Variants in PTH2R observed in about 807,000 individuals in gnomAD.
PTH2R encodes PTH2 receptor.
A neutral mutation model predicts 60.3 loss-of-function variants in PTH2R; 59 were observed. That is an observed-to-expected ratio of 0.98 (90% CI 0.79 to 1.22). The LOEUF is 1.22. PTH2R is among the 50% of genes most tolerant of loss of function. PTH2R has a pLI of 0.00. For synonymous variants in PTH2R, 256 were observed against 243.8 expected (o/e 1.05, Z -0.47); for missense variants, 749 against 682.6 (o/e 1.10, Z -1.08).
At chr2:208,465,388 C>CTTTTTTTTTTTT (rs60871321) in intron 9 of PTH2R, among the ~76,000 whole-genome samples, 4 of 39,934 alleles carry the variant, frequency 1.0e-4, no homozygotes, top group East Asian at 9.7e-4. Context: ...ATTTGTAAGT[C>CTTTTTTTTTTTT]TTTTTTTTTT....
At chr2:208,373,191 A>C (rs540590962) in intron 1 of PTH2R, among the ~76,000 whole-genome samples, 49 of 152,270 alleles carry the variant, frequency 3.2e-4, no homozygotes, top group Admixed American at 7.8e-4. Context: ...AAGTGAAGTG[A>C]AGTGTCTTGA....
At chr2:208,462,422 C>T (rs1467995187) in intron 9 of PTH2R, among the ~76,000 whole-genome samples, 1 of 152,092 alleles carries the variant, frequency 6.6e-6, no homozygotes, top group African/African-American at 2.4e-5. Flanking sequence ...ATTTGGCCCT[C>T]CTGGGAATAA....
At chr2:208,487,730 G>T (rs946298554) in intron 10 of PTH2R, among the ~76,000 whole-genome samples, 2 of 152,154 alleles carry the variant, frequency 1.3e-5, no homozygotes, top group African/African-American at 4.8e-5. Context: ...TTATCCTAAG[G>T]TTGGACTGGG....
chr2:208,385,860 G>A (rs1409308163), intron 1 of PTH2R, among the ~76,000 whole-genome samples: 3 of 152,164 alleles, frequency 2.0e-5, no homozygotes, highest in African/African-American at 7.2e-5. Flanking sequence ...GGTCAATTGA[G>A]CAAAAACTTC....
intron 1 of PTH2R, among the ~76,000 whole-genome samples, chr2:208,418,274 T>C (rs529885553): frequency 1.8e-4 from 28 of 152,068 alleles, no homozygotes; most frequent in African/African-American, 5.8e-4. Context: ...CATATACTTA[T>C]CAAAGGACGA....
At chr2:208,453,501 G>C (rs1047584316) in intron 8 of PTH2R, among the ~76,000 whole-genome samples, 1 of 152,116 alleles carries the variant, frequency 6.6e-6, no homozygotes, top group Non-Finnish European at 1.5e-5. Context: ...AAATGTGCAA[G>C]TGTAACTGTC....
intron 1 of PTH2R, among the ~76,000 whole-genome samples, chr2:208,394,281 C>G (rs922620682): frequency 6.6e-6 from 1 of 152,140 alleles, no homozygotes; most frequent in Non-Finnish European, 1.5e-5. Flanking sequence ...GTCTCAGGGC[C>G]GAAGGAGTCC....
At chr2:208,465,321 G>A (rs1401331731) in intron 9 of PTH2R, among the ~76,000 whole-genome samples, 1 of 133,766 alleles carries the variant, frequency 7.5e-6, no homozygotes, top group Non-Finnish European at 1.6e-5. Context: ...TTGTGGTTTT[G>A]ATTTGGATTT....
chr2:208,481,899 C>A (rs545015877), intron 10 of PTH2R, among the ~76,000 whole-genome samples: 2 of 152,308 alleles, frequency 1.3e-5, no homozygotes, highest in South Asian at 4.1e-4. Flanking sequence ...CATTCTTCAG[C>A]CTTTCATGAA....
chr2:208,397,368 A>G (rs1462784038), intron 1 of PTH2R, among the ~76,000 whole-genome samples: 1 of 152,032 alleles, frequency 6.6e-6, no homozygotes, highest in Non-Finnish European at 1.5e-5. Context: ...TTACTCCCAT[A>G]CTTACCACTC....
At chr2:208,399,253 A>G (rs1574838345) in intron 1 of PTH2R, among the ~76,000 whole-genome samples, 1 of 152,142 alleles carries the variant, frequency 6.6e-6, no homozygotes, top group Non-Finnish European at 1.5e-5. Context: ...GGTTATTCAC[A>G]TGTGTTCAGG....
rs184573658 is a variant in PTH2R, at chr2:208,472,723, C to T, written c.982-8347C>T. Among the ~76,000 whole-genome samples the T allele has an allele frequency of 2.0e-5, 3 of 152,254 alleles. No individual in the cohort carries two copies. In the East Asian group the frequency reaches 5.8e-4, roughly 29 times the overall value. On this transcript the variant is annotated intron_variant, in intron 9 of 12. Transcript: ENST00000272847. ...ATGTAAATGGACTAATACAGTCTTC[C>T]TTTGTCTCTTAACAAAGTTAATCTC...
intron 1 of PTH2R, among the ~76,000 whole-genome samples, chr2:208,388,693 G>A (rs946536228): frequency 1.3e-5 from 2 of 152,192 alleles, no homozygotes; most frequent in Non-Finnish European, 2.9e-5. Flanking sequence ...ATCACTGTAA[G>A]GTTGAGTGGA....
chr2:208,485,442 G>C (rs555959939), intron 10 of PTH2R, among the ~76,000 whole-genome samples: 3 of 152,142 alleles, frequency 2.0e-5, no homozygotes, highest in African/African-American at 2.4e-5. Context: ...GTATAAAAAC[G>C]TACAATGTGC....
intron 2 of PTH2R, among the ~76,000 whole-genome samples, chr2:208,433,080 T>TCAAG (rs1702005096): frequency 6.6e-6 from 1 of 152,092 alleles, no homozygotes; most frequent in Middle Eastern, 3.2e-3. Flanking sequence ...ATAGGATGGG[T>TCAAG]CAAGATAAGC....
At chr2:208,470,796 G>A (rs1266877049) in intron 9 of PTH2R, among the ~76,000 whole-genome samples, 1 of 152,168 alleles carries the variant, frequency 6.6e-6, no homozygotes, top group East Asian at 1.9e-4. Flanking sequence ...GCAGAGGTTG[G>A]AACAGTTCAA....
intron 8 of PTH2R, among the ~76,000 whole-genome samples, chr2:208,452,192 A>G (rs1331497840): frequency 6.6e-6 from 1 of 152,190 alleles, no homozygotes; most frequent in Non-Finnish European, 1.5e-5. Context: ...GGAACAGCAG[A>G]TGTACAACCT....
chr2:208,377,376 G>A (rs1700814380), intron 1 of PTH2R, among the ~76,000 whole-genome samples: 1 of 152,044 alleles, frequency 6.6e-6, no homozygotes, highest in African/African-American at 2.4e-5. Flanking sequence ...CGTTCTCAAT[G>A]AGCTGTTGGG....
chr2:208,413,822 G>A (rs1701588764), intron 1 of PTH2R, among the ~76,000 whole-genome samples: 1 of 152,190 alleles, frequency 6.6e-6, no homozygotes, highest in Non-Finnish European at 1.5e-5. Flanking sequence ...CGGGCTTCTG[G>A]CCAGTTTTGG....
Sources: gnomAD v4.1 joint callset for allele counts (sites outside exome capture counted in the v4.1 genomes callset) on GRCh38, gnomAD v4.1.1 for gene constraint, MANE v1.5 for transcripts, NCBI Gene and HGNC (gene_info 2026-07-23, HGNC 2026-07-21) for gene names.